Variants in EYS observed in about 807,000 individuals in gnomAD.
The protein encoded by EYS is EGF-like photoreceptor maintenance factor.
In EYS, 250 loss-of-function variants were observed where a neutral mutation model predicts 282.1. The ratio of observed to expected loss-of-function variants is 0.89; its 90% CI spans 0.80 to 0.98. The LOEUF (loss-of-function observed/expected upper bound fraction) is 0.98, where lower values mean the gene tolerates loss of function less well. Among genes scored for constraint, EYS ranks in the 50% least tolerant of loss-of-function variants. The pLI is 0.00. For synonymous variants in EYS, 1,355 were observed against 1,282.9 expected, an observed-to-expected ratio of 1.06 and a Z score of -1.20; for missense variants, 4,016 against 3,709.0, an observed-to-expected ratio of 1.08 and a Z score of -2.15.
intron 12 of EYS, among the ~76,000 whole-genome samples, chr6:65,215,796 T>C (rs1766297102): frequency 6.6e-6 from 1 of 152,168 alleles, no homozygotes; most frequent in Non-Finnish European, 1.5e-5. Context: ...CCAGCAGCCA[T>C]CAACATTGAG....
chr6:63,934,400 T>C (rs1384214496), intron 35 of EYS, among the ~76,000 whole-genome samples: 4 of 152,120 alleles, frequency 2.6e-5, no homozygotes, highest in Admixed American at 1.3e-4. Flanking sequence ...CATTACTGGG[T>C]ATATACCCAA....
intron 29 of EYS, among the ~76,000 whole-genome samples, chr6:64,320,238 C>G (rs1168915849): frequency 6.6e-6 from 1 of 151,792 alleles, no homozygotes; most frequent in Non-Finnish European, 1.5e-5. Flanking sequence ...TTCTTCAAAT[C>G]TGGACAATTT....
At chr6:65,547,970 T>A (rs1285394457) in intron 2 of EYS, among the ~76,000 whole-genome samples, 3 of 152,190 alleles carry the variant, frequency 2.0e-5, no homozygotes, top group Non-Finnish European at 4.4e-5. Flanking sequence ...CCATTCTTTA[T>A]CTCATAAATG....
intron 30 of EYS, among the ~76,000 whole-genome samples, chr6:64,296,581 TATACATATATATATATA>T (rs1432938205): frequency 1.8e-3 from 12 of 6,584 alleles, no homozygotes; most frequent in African/African-American, 7.1e-3. Context: ...TATATATATA[TATACATATATATATATA>T]TTTTTTTTTT....
rs1767799981 is a variant in EYS, at chr6:65,532,228, C to A, written c.-332-36235G>T. Among the ~76,000 whole-genome samples, 3 of 152,020 alleles carry A rather than the reference C, an allele frequency of 2.0e-5. No homozygotes were observed. In the South Asian group the frequency reaches 6.2e-4, roughly 32 times the overall value. On this transcript the variant is annotated intron_variant, in intron 2 of 42. Coordinates refer to ENST00000503581, the MANE Select transcript of EYS (RefSeq NM_001142800.2). ...AATTTTTTAAAATTAAAACAAAAAT[C>A]TAAGATTATAACCAGTATTATACCT...
At position 64,785,766 on chromosome 6, in the gene EYS, T is replaced by G. The variant is rs1007897721; in HGVS notation, c.3443+27612A>C. ...TATTTGTCAAGCACTATTTTTATGA[T>G]GTATTGTGCTAGTTGCTGGAGGTAT... On this transcript the variant is annotated intron_variant, in intron 22 of 42. Transcript: ENST00000503581. Among the ~76,000 whole-genome samples the G allele has an allele frequency of 2.6e-5, 4 of 152,202 alleles. No homozygotes were observed. In the East Asian group the frequency reaches 7.7e-4, roughly 29 times the overall value.
chr6:64,015,728 G>C (rs1768860550), intron 33 of EYS, among the ~76,000 whole-genome samples: 1 of 152,180 alleles, frequency 6.6e-6, no homozygotes, highest in South Asian at 2.1e-4. Flanking sequence ...GAAAGACATT[G>C]TCATTCTCTG....
chr6:64,866,621 T>C (rs1298877609), intron 19 of EYS, among the ~76,000 whole-genome samples: 1 of 150,638 alleles, frequency 6.6e-6, no homozygotes, highest in Non-Finnish European at 1.5e-5. Flanking sequence ...TATTTTTTAG[T>C]TATCATTCCT....
chr6:65,105,204 C>T (rs968860344), intron 12 of EYS, among the ~76,000 whole-genome samples: 2 of 151,626 alleles, frequency 1.3e-5, no homozygotes, highest in African/African-American at 4.8e-5. Context: ...ACTAAACATG[C>T]AAAAATCAAA....
intron 41 of EYS, among the ~76,000 whole-genome samples, chr6:63,739,247 T>C (rs949829804): frequency 2.6e-5 from 4 of 152,136 alleles, no homozygotes; most frequent in African/African-American, 9.7e-5. Context: ...GACTCTGGGA[T>C]GGAACTTAGT....
intron 40 of EYS, 21 bp from the exon 41 acceptor site, chr6:63,762,654 G>T (rs564360565): frequency 3.9e-6 from 6 of 1,547,094 alleles, no homozygotes; most frequent in South Asian, 2.4e-5. Flanking sequence ...AGAGAAAGCC[G>T]CATGGTTTGA....
intron 36 of EYS, among the ~76,000 whole-genome samples, chr6:63,809,687 G>A (rs926930278): frequency 1.3e-5 from 2 of 151,894 alleles, no homozygotes; most frequent in African/African-American, 4.8e-5. Flanking sequence ...CATCATCTCG[G>A]GGCATTAAAA....
chr6:64,085,356 A>G (rs994958640), intron 31 of EYS, among the ~76,000 whole-genome samples: 1 of 151,330 alleles, frequency 6.6e-6, no homozygotes, highest in African/African-American at 2.4e-5. Flanking sequence ...ACACACACAC[A>G]CACACACACA....
rs891985810 is a variant in EYS, at chr6:64,483,687, C to G, written c.5645-44335G>C. Among the ~76,000 whole-genome samples the G allele has an allele frequency of 6.7e-4, 102 of 151,620 alleles. 1 individual carries two copies. The highest frequency in any genetic ancestry group is 1.0e-4 in the Non-Finnish European group (7 of 67,694). On this transcript the variant is annotated intron_variant, in intron 26 of 42. Coordinates refer to ENST00000503581, the MANE Select transcript of EYS (RefSeq NM_001142800.2). The stretch of plus-strand genomic sequence containing the variant: ...CCAATAACCAGGTAAGTCTGATTCC[C>G]TGAATAGATATTTAGCAAGTCACTT...
At chr6:64,491,626 CTTATAAAATAAGTACCA>C (rs1220556752) in intron 26 of EYS, among the ~76,000 whole-genome samples, 6 of 150,948 alleles carry the variant, frequency 4.0e-5, no homozygotes, top group Non-Finnish European at 8.9e-5. Context: ...CATAAACTAT[CTTATAAAATAAGTACCA>C]TTATCCTCTC....
At chr6:65,438,586 T>A (rs190657339) in intron 5 of EYS, among the ~76,000 whole-genome samples, 80 of 152,340 alleles carry the variant, frequency 5.3e-4, no homozygotes, top group African/African-American at 1.8e-3. Context: ...GTGGTTTTGA[T>A]TTGCATTTCT....
At chr6:65,466,648 A>G (rs182359025) in intron 5 of EYS, among the ~76,000 whole-genome samples, 76 of 152,230 alleles carry the variant, frequency 5.0e-4, no homozygotes, top group African/African-American at 1.8e-3. Flanking sequence ...GGGTTGATCA[A>G]GGAAAACAGA....
intron 8 of EYS, among the ~76,000 whole-genome samples, chr6:65,382,648 G>A (rs1028966926): frequency 6.6e-6 from 1 of 151,936 alleles, no homozygotes; most frequent in Non-Finnish European, 1.5e-5. Flanking sequence ...CTGTCTGCAA[G>A]CTGAGGAGCA....
chr6:65,064,148 G>A (rs1055772920), intron 12 of EYS, among the ~76,000 whole-genome samples: 1 of 141,818 alleles, frequency 7.1e-6, no homozygotes, highest in East Asian at 2.0e-4. Flanking sequence ...TAAGTATATA[G>A]TATATATAAC....
Sources: gnomAD v4.1 joint callset for allele counts (sites outside exome capture counted in the v4.1 genomes callset) on GRCh38, gnomAD v4.1.1 for gene constraint, MANE v1.5 for transcripts, NCBI Gene and HGNC (gene_info 2026-07-23, HGNC 2026-07-21) for gene names.